The following MCTP1 variants were observed in gnomAD, a reference collection of about 807,000 sequenced individuals.
MCTP1 encodes the protein multiple C2 and transmembrane domain containing 1.
MCTP1 carries 69 observed loss-of-function variants against 120.6 expected under a neutral mutation model. That is an observed-to-expected ratio of 0.57 (90% CI 0.47 to 0.70). The LOEUF (loss-of-function observed/expected upper bound fraction) is 0.70, where lower values mean the gene tolerates loss of function less well. Among genes scored for constraint, MCTP1 ranks in the 30% least tolerant of loss-of-function variants. The pLI is 0.00. For synonymous variants in MCTP1, 529 were observed against 493.1 expected (o/e 1.07, Z -0.96); for missense variants, 1,203 against 1,248.8 (o/e 0.96, Z 0.55).
chr5:94,716,852 A>G (rs1279235049), intron 19 of MCTP1, among the ~76,000 whole-genome samples: 5 of 152,148 alleles, frequency 3.3e-5, no homozygotes, highest in African/African-American at 4.8e-5. Flanking sequence ...TAATGTTTCT[A>G]AAGTTTGTTG....
chr5:95,183,050 A>T (rs1748791300), intron 1 of MCTP1, among the ~76,000 whole-genome samples: 1 of 151,560 alleles, frequency 6.6e-6, no homozygotes, highest in African/African-American at 2.4e-5. Flanking sequence ...AAAGAATATT[A>T]TAAAGCTACA....
At chr5:95,204,941 C>G (rs1207849609) in intron 1 of MCTP1, among the ~76,000 whole-genome samples, 1 of 152,134 alleles carries the variant, frequency 6.6e-6, no homozygotes, top group African/African-American at 2.4e-5. Context: ...AGATTTAACA[C>G]TCTATCAGAA....
chr5:94,710,428 C>T (rs1756480430), intron 21 of MCTP1: 1 of 193,630 alleles, frequency 5.2e-6, no homozygotes, highest in African/African-American at 2.4e-5. Context: ...ACCATGTTTA[C>T]ATATATTCCA....
intron 1 of MCTP1, among the ~76,000 whole-genome samples, chr5:95,202,679 T>G (rs1205957785): frequency 1.3e-5 from 2 of 152,236 alleles, no homozygotes; most frequent in African/African-American, 4.8e-5. Flanking sequence ...TTTACCTTGC[T>G]TGGCACTTAC....
chr5:95,238,499 C>CA (rs1159769790), intron 1 of MCTP1, among the ~76,000 whole-genome samples: 4 of 152,080 alleles, frequency 2.6e-5, no homozygotes, highest in Non-Finnish European at 4.4e-5. Context: ...CTAAACATCA[C>CA]AAAAAATTAC....
intron 2 of MCTP1, among the ~76,000 whole-genome samples, chr5:94,996,245 C>A (rs1325595964): frequency 6.6e-6 from 1 of 152,178 alleles, no homozygotes; most frequent in East Asian, 1.9e-4. Flanking sequence ...TACGTGATTA[C>A]ACTGAAAGTT....
chr5:94,734,350 CAAACAT>C (rs1321381359), intron 19 of MCTP1, among the ~76,000 whole-genome samples: 1 of 152,144 alleles, frequency 6.6e-6, no homozygotes, highest in Non-Finnish European at 1.5e-5. Context: ...AAAATAAACA[CAAACAT>C]AGAGTAAAAA....
At chr5:95,102,426 T>C (rs1313240986) in intron 1 of MCTP1, among the ~76,000 whole-genome samples, 3 of 152,326 alleles carry the variant, frequency 2.0e-5, no homozygotes, top group East Asian at 3.9e-4. Context: ...TCAATGGCTG[T>C]TGTTTTAAGC....
chr5:94,951,255 A>G (rs1412349920), intron 3 of MCTP1, among the ~76,000 whole-genome samples: 1 of 152,092 alleles, frequency 6.6e-6, no homozygotes, highest in African/African-American at 2.4e-5. Context: ...TTTCTTTTTG[A>G]GCCTAGTAAG....
chr5:95,219,560 C>A (rs576597937), intron 1 of MCTP1, among the ~76,000 whole-genome samples: 1 of 152,202 alleles, frequency 6.6e-6, no homozygotes, highest in Admixed American at 6.5e-5. Context: ...GGACTCCCTA[C>A]GGTCTTTAGG....
At chr5:95,080,035 T>G (rs1456529580) in intron 1 of MCTP1, among the ~76,000 whole-genome samples, 1 of 152,134 alleles carries the variant, frequency 6.6e-6, no homozygotes, top group Admixed American at 6.5e-5. Flanking sequence ...GGAAGTTCAT[T>G]GGTTGTTTAC....
At chr5:95,172,226 T>C (rs577719866) in intron 1 of MCTP1, among the ~76,000 whole-genome samples, 18 of 152,302 alleles carry the variant, frequency 1.2e-4, no homozygotes, top group African/African-American at 4.1e-4. Flanking sequence ...ACAGCGCATA[T>C]TGCTGAACAG....
chr5:94,826,690 T>G, intron 17 of MCTP1: 2 of 510,576 alleles, frequency 3.9e-6, no homozygotes, highest in Non-Finnish European at 7.0e-6. Flanking sequence ...TTATACACAC[T>G]CCATGGTTCC....
At chr5:95,269,881 G>A (rs925516091) in intron 1 of MCTP1, among the ~76,000 whole-genome samples, 1 of 152,212 alleles carries the variant, frequency 6.6e-6, no homozygotes, top group African/African-American at 2.4e-5. Flanking sequence ...TGAGGTTTAA[G>A]TGAGACAATG....
intron 7 of MCTP1, among the ~76,000 whole-genome samples, chr5:94,921,030 G>C: frequency 6.6e-6 from 1 of 152,060 alleles, no homozygotes; most frequent in Non-Finnish European, 1.5e-5. Flanking sequence ...GTTCTTGTAA[G>C]GTGGTTTGCT....
At chr5:94,802,577 T>G (rs1781437674) in intron 17 of MCTP1, among the ~76,000 whole-genome samples, 1 of 152,100 alleles carries the variant, frequency 6.6e-6, no homozygotes, top group Non-Finnish European at 1.5e-5. Flanking sequence ...ACACAAAAGG[T>G]CTGGCCTTTA....
chr5:95,177,606 A>C (rs1354480520), intron 1 of MCTP1, among the ~76,000 whole-genome samples: 1 of 152,258 alleles, frequency 6.6e-6, no homozygotes, highest in Non-Finnish European at 1.5e-5. Context: ...CCATCTGTGC[A>C]TGAGCTGAAT....
intron 1 of MCTP1, among the ~76,000 whole-genome samples, chr5:95,200,097 G>A (rs537528506): frequency 6.6e-6 from 1 of 151,658 alleles, no homozygotes; most frequent in Non-Finnish European, 1.5e-5. Flanking sequence ...GGAGGCGGAA[G>A]TTGCGGTGAG....
chr5:95,278,983 T>C lies in MCTP1; in HGVS notation c.720+4873A>G, dbSNP rs540250973. ...GTCTCAAAAAAAAAAAAAAAAATTATTTTCTGCTTACCTAATGCAGATGCC... is the reference window on the plus strand; with the variant it reads ...GTCTCAAAAAAAAAAAAAAAAATTACTTTCTGCTTACCTAATGCAGATGCC... On this transcript the variant is annotated intron_variant, in intron 1 of 22. Transcript: ENST00000515393. Among the ~76,000 whole-genome samples the C allele has an allele frequency of 2.0e-4, 30 of 151,750 alleles. No individual in the cohort carries two copies. The South Asian group carries it at 5.8e-3, about 30-fold the overall frequency.
Sources: gnomAD v4.1 joint callset for allele counts (sites outside exome capture counted in the v4.1 genomes callset) on GRCh38, gnomAD v4.1.1 for gene constraint, MANE v1.5 for transcripts, NCBI Gene and HGNC (gene_info 2026-07-23, HGNC 2026-07-21) for gene names.